The following STYK1 variants were observed in gnomAD, a reference collection of about 807,000 sequenced individuals.
The protein encoded by STYK1 is STY kinase 1.
STYK1 carries 46 observed loss-of-function variants against 48.1 expected under a neutral mutation model. The ratio of observed to expected loss-of-function variants is 0.96; its 90% CI spans 0.75 to 1.22. The LOEUF is 1.22. STYK1 is among the 50% of genes most tolerant of loss of function. The probability of loss-of-function intolerance (pLI) is 0.00; values close to 1 mark genes in which losing one functional copy is unlikely to be tolerated. For missense variants in STYK1, 527 were observed against 521.1 expected (o/e 1.01, Z -0.11); for synonymous variants, 188 against 189.0 (o/e 0.99, Z 0.04).
At chr12:10,629,946 A>T (rs1339330941) in intron 5 of STYK1, among the ~76,000 whole-genome samples, 2 of 152,090 alleles carry the variant, frequency 1.3e-5, no homozygotes, top group Non-Finnish European at 2.9e-5. Context: ...TTAAAAAGTT[A>T]TCACTGTCTA....
rs1185998008 is a variant in STYK1, at chr12:10,621,965, T to C, written c.975A>G (p.Pro325=). 1.9e-6 allele frequency: 3 copies of C among 1,613,504 alleles called. No homozygotes were observed. Among genetic ancestry groups the C allele is most frequent in the Non-Finnish European group, 2.5e-6 (3 of 1,179,580 alleles). ...LLYEMVTLGA[P]PYPEVPPTSI... ...TGGTAGGAGGGACTTCAGGATACGGTGGTGCTCCTGTCATTACGAAAATAA... is the reference window on the plus strand; with the variant it reads ...TGGTAGGAGGGACTTCAGGATACGGCGGTGCTCCTGTCATTACGAAAATAA... The change falls in exon 10 of 11, where the codon CCA becomes CCG. Residue 325 remains proline, a synonymous_variant. Transcript: ENST00000075503.
chr12:10,655,826 A>G (rs1323899564), intron 1 of STYK1, among the ~76,000 whole-genome samples: 5 of 152,222 alleles, frequency 3.3e-5, no homozygotes, highest in Non-Finnish European at 4.4e-5. Context: ...ATTTAAAAGC[A>G]TTTTTGAAGT....
At chr12:10,673,393 AT>A (rs551549194) in intron 1 of STYK1, 2 of 152,322 alleles carry the variant, frequency 1.3e-5, no homozygotes, top group South Asian at 4.2e-4. Flanking sequence ...CCCACCCCAA[AT>A]AAAAAGAAGG....
chr12:10,658,841 A>C (rs1947746362), intron 1 of STYK1, among the ~76,000 whole-genome samples: 1 of 152,214 alleles, frequency 6.6e-6, no homozygotes, highest in African/African-American at 2.4e-5. Flanking sequence ...ATTAGTAATT[A>C]TAATTGTTAC....
At chr12:10,653,003 A>C (rs1947678129) in intron 1 of STYK1, among the ~76,000 whole-genome samples, 1 of 152,166 alleles carries the variant, frequency 6.6e-6, no homozygotes, top group Non-Finnish European at 1.5e-5. Context: ...AGGAGTCAGG[A>C]GATCTCAATT....
At chr12:10,631,885 T>A (rs1415743911) in intron 4 of STYK1, among the ~76,000 whole-genome samples, 1 of 152,248 alleles carries the variant, frequency 6.6e-6, no homozygotes, top group African/African-American at 2.4e-5. Flanking sequence ...TCCTTCTTAT[T>A]AAATCTACAT....
At chr12:10,630,354 C>G (rs1234644506) in intron 5 of STYK1, among the ~76,000 whole-genome samples, 11 of 122,330 alleles carry the variant, frequency 9.0e-5, no homozygotes, top group Middle Eastern at 7.7e-3. Context: ...CCATTGCACT[C>G]TAGCCTGGTG....
At position 10,634,012 on chromosome 12, in the gene STYK1, T is replaced by C; in HGVS notation, c.165A>G (p.Gln55=). ...TACCTTGAGGTCCAGAACGCTGCTGTTGAGTTCTTTGTTCTCTGATAAAAA... is the reference window on the plus strand; with the variant it reads ...TACCTTGAGGTCCAGAACGCTGCTGCTGAGTTCTTTGTTCTCTGATAAAAA... ...LWLFIREQRT[Q]QQRSGPQGIA... Residue 55 remains glutamine, a synonymous_variant, in exon 4 of 11, where the codon CAA becomes CAG. Coordinates refer to ENST00000075503, the MANE Select transcript of STYK1 (RefSeq NM_018423.3). 1 of 1,614,122 alleles carries C rather than the reference T, an allele frequency of 6.2e-7. No homozygotes were observed. Among genetic ancestry groups the C allele is most frequent in the Non-Finnish European group, 8.5e-7 (1 of 1,180,012 alleles).
At chr12:10,651,614 C>A (rs954477106) in intron 1 of STYK1, among the ~76,000 whole-genome samples, 1 of 152,146 alleles carries the variant, frequency 6.6e-6, no homozygotes, top group African/African-American at 2.4e-5. Flanking sequence ...ATAATAATTA[C>A]TATATCATTA....
At chr12:10,651,895 T>G (rs1947666804) in intron 1 of STYK1, among the ~76,000 whole-genome samples, 1 of 152,200 alleles carries the variant, frequency 6.6e-6, no homozygotes. Flanking sequence ...TGCTTCATAG[T>G]TTTCAAATTT....
intron 1 of STYK1, among the ~76,000 whole-genome samples, chr12:10,645,384 T>C (rs552100682): frequency 1.3e-5 from 2 of 152,216 alleles, no homozygotes; most frequent in Non-Finnish European, 2.9e-5. Flanking sequence ...ATTTCACAGT[T>C]GATTTCTTTG....
chr12:10,652,820 T>G (rs1947676381), intron 1 of STYK1, among the ~76,000 whole-genome samples: 1 of 152,202 alleles, frequency 6.6e-6, no homozygotes, highest in Non-Finnish European at 1.5e-5. Flanking sequence ...AATGCTATAT[T>G]TGCACCAATA....
intron 10 of STYK1, among the ~76,000 whole-genome samples, chr12:10,621,108 TA>T (rs1305141233): frequency 6.6e-6 from 1 of 152,228 alleles, no homozygotes; most frequent in Non-Finnish European, 1.5e-5. Flanking sequence ...CATTCAATGA[TA>T]AAAAACTTAC....
At chr12:10,647,733 C>A (rs1404036837) in intron 1 of STYK1, among the ~76,000 whole-genome samples, 2 of 152,224 alleles carry the variant, frequency 1.3e-5, no homozygotes, top group East Asian at 1.9e-4. Flanking sequence ...GTGGGAGGGA[C>A]AAAGTGGGAG....
At chr12:10,649,090 C>T (rs1947631621) in intron 1 of STYK1, among the ~76,000 whole-genome samples, 1 of 151,942 alleles carries the variant, frequency 6.6e-6, no homozygotes, top group African/African-American at 2.4e-5. Context: ...TCTGAACACA[C>T]AAGAAAATCT....
chr12:10,634,355 G>A (rs1226179272), intron 3 of STYK1, among the ~76,000 whole-genome samples: 1 of 152,134 alleles, frequency 6.6e-6, no homozygotes, highest in East Asian at 1.9e-4. Flanking sequence ...GCTTCTGGCA[G>A]TTTCTTACCA....
intron 1 of STYK1, among the ~76,000 whole-genome samples, chr12:10,649,271 G>A (rs1272213757): frequency 6.6e-6 from 1 of 151,826 alleles, no homozygotes; most frequent in Non-Finnish European, 1.5e-5. Context: ...TACTATTTTT[G>A]CTGCTTTTGT....
At chr12:10,625,419 A>T (rs551947125) in intron 7 of STYK1, among the ~76,000 whole-genome samples, 2 of 152,008 alleles carry the variant, frequency 1.3e-5, no homozygotes, top group Non-Finnish European at 2.9e-5. Flanking sequence ...GGGTTTCACC[A>T]TGTTAGCCAG....
At chr12:10,620,396 T>C in intron 10 of STYK1, 48 bp from the exon 11 acceptor site, 2 of 1,564,264 alleles carry the variant, frequency 1.3e-6, no homozygotes, top group Middle Eastern at 2.3e-4. Context: ...GGCAAATGTA[T>C]GGGGAGCATG....
Sources: allele counts gnomAD v4.1 joint callset (sites outside exome capture counted in the v4.1 genomes callset), GRCh38; gene constraint gnomAD v4.1.1; transcripts MANE v1.5; gene names NCBI Gene and HGNC (gene_info 2026-07-23, HGNC 2026-07-21).